SLC16A10: variants seen among roughly 807,000 people sequenced by gnomAD.
SLC16A10 encodes solute carrier family 16 member 10.
SLC16A10 carries 27 observed loss-of-function variants against 40.0 expected under a neutral mutation model. The ratio of observed to expected loss-of-function variants is 0.67; its 90% CI spans 0.50 to 0.93. The LOEUF is 0.93. Among genes scored for constraint, SLC16A10 ranks in the 40% least tolerant of loss-of-function variants. The pLI, the probability that SLC16A10 is intolerant of heterozygous loss-of-function variation, is 0.00. For missense variants in SLC16A10, 529 were observed against 658.2 expected (o/e 0.80, Z 2.15); for synonymous variants, 213 against 249.8 (o/e 0.85, Z 1.39).
chr6:111,111,870 A>G (rs112390089), intron 1 of SLC16A10, among the ~76,000 whole-genome samples: 1,576 of 152,282 alleles, frequency 0.01, 35 homozygotes, highest in African/African-American at 0.036. Context: ...ACTGTCCTAC[A>G]ATTTTAATTT....
intron 1 of SLC16A10, among the ~76,000 whole-genome samples, chr6:111,090,977 A>C (rs1386328128): frequency 6.6e-6 from 1 of 152,150 alleles, no homozygotes. Flanking sequence ...GGTGGAATGG[A>C]ATCTAGGTCT....
At chr6:111,185,590 T>C (rs1163344249) in intron 3 of SLC16A10, among the ~76,000 whole-genome samples, 3 of 152,306 alleles carry the variant, frequency 2.0e-5, no homozygotes, top group African/African-American at 7.2e-5. Context: ...GCCATGCAGT[T>C]ACTTTTCACA....
At chr6:111,179,478 C>T (rs1234046874) in intron 3 of SLC16A10, among the ~76,000 whole-genome samples, 1 of 152,202 alleles carries the variant, frequency 6.6e-6, no homozygotes, top group African/African-American at 2.4e-5. Context: ...AATCAGTCTA[C>T]AGTCTTAATA....
chr6:111,166,705 C>T (rs1029933389), intron 1 of SLC16A10, among the ~76,000 whole-genome samples: 1 of 152,196 alleles, frequency 6.6e-6, no homozygotes, highest in Non-Finnish European at 1.5e-5. Flanking sequence ...ATTACAACAC[C>T]TTTGCTTTAT....
rs924422386 is a variant in SLC16A10, at chr6:111,114,419, A to G, written c.343+26324A>G. Reference sequence around the variant, plus strand: ...GGCTATACTGATGCTAAGATGCACTATTATTTTCTGTACACTGAGAAAGGG... The same window carrying G: ...GGCTATACTGATGCTAAGATGCACTGTTATTTTCTGTACACTGAGAAAGGG... On this transcript the variant is annotated intron_variant, in intron 1 of 5. Coordinates refer to ENST00000368851, the MANE Select transcript of SLC16A10 (RefSeq NM_018593.5). 6.6e-5 allele frequency among the ~76,000 whole-genome samples: 10 copies of G among 152,230 alleles called. No individual in the cohort carries two copies. In the South Asian group the frequency reaches 1.0e-3, roughly 16 times the overall value.
chr6:111,167,627 T>C (rs1562419814), intron 1 of SLC16A10, among the ~76,000 whole-genome samples: 1 of 150,406 alleles, frequency 6.6e-6, no homozygotes, highest in Admixed American at 6.6e-5. Context: ...GATTGTTATT[T>C]ATTTATTTAT....
intron 1 of SLC16A10, among the ~76,000 whole-genome samples, chr6:111,158,097 A>G (rs1365159620): frequency 1.3e-5 from 2 of 152,084 alleles, no homozygotes; most frequent in African/African-American, 4.8e-5. Context: ...TTAATAATAT[A>G]ATGTGAAGAG....
At chr6:111,100,045 T>C (rs1048324989) in intron 1 of SLC16A10, among the ~76,000 whole-genome samples, 1 of 151,312 alleles carries the variant, frequency 6.6e-6, no homozygotes, top group Non-Finnish European at 1.5e-5. Flanking sequence ...AAAAAGGTTA[T>C]TTTTTTTCAG....
intron 2 of SLC16A10, among the ~76,000 whole-genome samples, chr6:111,174,066 C>T (rs1281492170): frequency 6.6e-6 from 1 of 152,136 alleles, no homozygotes; most frequent in South Asian, 2.1e-4. Context: ...TCTAGTTCTC[C>T]TTGTAAGTCC....
intron 5 of SLC16A10, among the ~76,000 whole-genome samples, chr6:111,220,005 A>G (rs561173909): frequency 3.0e-4 from 45 of 152,286 alleles, no homozygotes; most frequent in Non-Finnish European, 6.5e-4. Context: ...GAGAGGATCT[A>G]TTGCGCCTGG....
intron 3 of SLC16A10, among the ~76,000 whole-genome samples, chr6:111,188,310 C>CTTTCCTT (rs1471001795): frequency 1.3e-5 from 2 of 151,030 alleles, no homozygotes; most frequent in African/African-American, 4.9e-5. Flanking sequence ...TCCCTCCCTT[C>CTTTCCTT]TTTCCTTTTT....
chr6:111,107,184 G>A (rs898974600), intron 1 of SLC16A10, among the ~76,000 whole-genome samples: 4 of 152,128 alleles, frequency 2.6e-5, no homozygotes, highest in Non-Finnish European at 5.9e-5. Flanking sequence ...AAAAAACTGT[G>A]CATGGATTTC....
At chr6:111,100,959 C>CCTCTCT (rs71021825) in intron 1 of SLC16A10, among the ~76,000 whole-genome samples, 46 of 81,454 alleles carry the variant, frequency 5.6e-4, no homozygotes, top group African/African-American at 2.2e-3. Context: ...TCTTTCTCTC[C>CCTCTCT]CTCTCTCTCT....
intron 1 of SLC16A10, among the ~76,000 whole-genome samples, 192 bp downstream of exon 1, chr6:111,088,287 A>G (rs1302521569): frequency 6.6e-6 from 1 of 152,144 alleles, no homozygotes; most frequent in African/African-American, 2.4e-5. Flanking sequence ...GCCCGTCTTT[A>G]TATGGAATCC....
At position 111,087,614 on chromosome 6, in the gene SLC16A10, G is replaced by A. The variant is rs1027686478; in HGVS notation, c.-139G>A. 18 of 390,600 alleles carry A rather than the reference G, an allele frequency of 4.6e-5. No individual in the cohort carries two copies. The highest frequency in any genetic ancestry group is 3.4e-4 in the African/African-American group (16 of 46,814). The allele number at this position is 390,600 out of a possible 1,614,324, so 24.2% of individuals were successfully genotyped here. On this transcript the variant is annotated 5_prime_UTR_variant, in exon 1 of 6. Coordinates refer to ENST00000368851, the MANE Select transcript of SLC16A10 (RefSeq NM_018593.5). The stretch of plus-strand genomic sequence containing the variant: ...CGCGCTGGCCGCCTGCGCGCTGCCA[G>A]CCCGCCCGCCCGCCAGGGGCTCCGC...
chr6:111,208,397 G>T (rs1315732211), intron 4 of SLC16A10, among the ~76,000 whole-genome samples: 1 of 152,144 alleles, frequency 6.6e-6, no homozygotes, highest in Non-Finnish European at 1.5e-5. Flanking sequence ...ATTAGACATG[G>T]TGAAACCCCG....
chr6:111,165,630 C>A (rs968541832), intron 1 of SLC16A10, among the ~76,000 whole-genome samples: 4 of 152,256 alleles, frequency 2.6e-5, no homozygotes, highest in African/African-American at 7.2e-5. Context: ...ACAGGTGAAA[C>A]CAACAAGCCT....
Position 111,222,338 on chromosome 6 carries a change from C to T in SLC16A10, c.*103C>T, listed in dbSNP as rs1162732358. The stretch of plus-strand genomic sequence containing the variant: ...AATTTCATATTTTTTTAATCACATC[C>T]TAGGAATAGCACAATAATTGGGAAA... On this transcript the variant is annotated 3_prime_UTR_variant, in exon 6 of 6. Coordinates refer to ENST00000368851, the MANE Select transcript of SLC16A10 (RefSeq NM_018593.5). 1 of 1,390,790 alleles carries T rather than the reference C, an allele frequency of 7.2e-7. No individual in the cohort carries two copies. The highest frequency in any genetic ancestry group is 9.5e-7 in the Non-Finnish European group (1 of 1,055,858). The allele number at this position is 1,390,790 out of a possible 1,614,324, so 86.2% of individuals were successfully genotyped here.
chr6:111,112,372 A>G (rs901985286), intron 1 of SLC16A10, among the ~76,000 whole-genome samples: 13 of 152,150 alleles, frequency 8.5e-5, no homozygotes, highest in Admixed American at 5.2e-4. Flanking sequence ...AATTTTGGCA[A>G]GTGCTGTGCA....
Sources: allele counts gnomAD v4.1 joint callset (sites outside exome capture counted in the v4.1 genomes callset), GRCh38; gene constraint gnomAD v4.1.1; transcripts MANE v1.5; gene names NCBI Gene and HGNC (gene_info 2026-07-23, HGNC 2026-07-21).